The following SNX8 variants were observed in gnomAD, a reference collection of about 807,000 sequenced individuals.
SNX8 encodes sorting nexin 8.
Under a neutral mutation model 51.6 loss-of-function variants are expected in SNX8, and 25 were observed. The ratio of observed to expected loss-of-function variants is 0.48; its 90% CI spans 0.35 to 0.68. The LOEUF is 0.68. Among genes scored for constraint, SNX8 ranks in the 30% least tolerant of loss-of-function variants. SNX8 has a pLI of 0.00. For synonymous variants in SNX8, 324 were observed against 277.0 expected (o/e 1.17, Z -1.68); for missense variants, 695 against 624.0 (o/e 1.11, Z -1.21).
rs538461792 is a variant in SNX8 at position 2,254,618 on chromosome 7, C to T, written c.*438G>A. ...CACCACTGGCTGTCCCCTCGCTGTC[C>T]GTGGTCAGTCCCATGCCTGGGCTGC... On this transcript the variant is annotated 3_prime_UTR_variant, in exon 11 of 11. Coordinates refer to ENST00000222990, the MANE Select transcript of SNX8 (RefSeq NM_013321.4). 3.6e-4 allele frequency: 66 copies of T among 182,522 alleles called. 1 individual carries two copies. In the South Asian group the frequency reaches 6.8e-3, roughly 19 times the overall value. 11.3% of individuals were successfully genotyped at this position (182,522 alleles called of 1,614,324 possible).
intron 1 of SNX8, among the ~76,000 whole-genome samples, chr7:2,305,775 C>T (rs773196385): frequency 1.3e-4 from 20 of 152,032 alleles, no homozygotes; most frequent in Non-Finnish European, 2.9e-4. Context: ...AACCACCATC[C>T]AGGCCAAGAA....
chr7:2,304,505 C>T (rs1796502860), intron 1 of SNX8, among the ~76,000 whole-genome samples: 1 of 151,970 alleles, frequency 6.6e-6, no homozygotes, highest in East Asian at 1.9e-4. Context: ...GATTGCCCCA[C>T]TGTACTCCAG....
intron 1 of SNX8, among the ~76,000 whole-genome samples, chr7:2,340,632 G>A (rs1338356904): frequency 6.6e-6 from 1 of 150,942 alleles, no homozygotes; most frequent in Non-Finnish European, 1.5e-5. Context: ...TGAAGAGGGC[G>A]GGTCACTTGA....
chr7:2,347,009 A>C (rs1021952522), intron 1 of SNX8, among the ~76,000 whole-genome samples: 10 of 151,980 alleles, frequency 6.6e-5, no homozygotes, highest in Non-Finnish European at 1.3e-4. Context: ...ACATTTGAAG[A>C]AGCCAAGCAT....
chr7:2,259,497 G>A lies in SNX8; in HGVS notation c.916-1694C>T, dbSNP rs73043233. 4.2e-4 allele frequency among the ~76,000 whole-genome samples: 64 copies of A among 152,296 alleles called. No homozygotes were observed. The East Asian group carries it at 0.012, about 28-fold the overall frequency. On this transcript the variant is annotated intron_variant, in intron 7 of 10. Coordinates refer to ENST00000222990, the MANE Select transcript of SNX8 (RefSeq NM_013321.4). Reference sequence around the variant, plus strand: ...CAGAAGTGGATGGAACGAGTTTTACGGGACACAGCCCTGGAATGGGAGCCA... The same window carrying A: ...CAGAAGTGGATGGAACGAGTTTTACAGGACACAGCCCTGGAATGGGAGCCA...
intron 1 of SNX8, among the ~76,000 whole-genome samples, chr7:2,344,555 T>C (rs997464072): frequency 2.1e-5 from 3 of 142,208 alleles, no homozygotes; most frequent in African/African-American, 8.0e-5. Context: ...GAGGTAGCAG[T>C]GGGCCGAGAT....
At chr7:2,302,613 T>G (rs977494179) in intron 1 of SNX8, among the ~76,000 whole-genome samples, 3 of 149,432 alleles carry the variant, frequency 2.0e-5, no homozygotes, top group Admixed American at 6.7e-5. Flanking sequence ...GTCTGGAAAG[T>G]GAGGAGCGTC....
rs185311702 is a variant in SNX8 at position 2,257,833 on chromosome 7, G to A, written c.916-30C>T. The A allele has an allele frequency of 3.6e-5, 57 of 1,604,998 alleles. No homozygotes were observed. The African/African-American group carries it at 4.5e-4, about 13-fold the overall frequency. On this transcript the variant is annotated intron_variant, in intron 7 of 10. Coordinates refer to ENST00000222990, the MANE Select transcript of SNX8 (RefSeq NM_013321.4). ...AAGGCGAGGGGGAGCTCACCCACGC[G>A]GACGCACATAGGACCCGGTCCCTGC...
rs1778618606 is a variant in SNX8, at chr7:2,326,160, T to A, written c.-66+28062A>T. 2.7e-5 allele frequency among the ~76,000 whole-genome samples: 4 copies of A among 148,782 alleles called. No homozygotes were observed. In the South Asian group the frequency reaches 8.5e-4, roughly 32 times the overall value. On this transcript the variant is annotated intron_variant, in intron 1 of 5. Transcript: ENST00000435336. ...GCTGAGTTGGGAGGAATTCAGGAGT[T>A]CAAGACCAGCCTGGGCAAAATAGTG...
rs1360127108 is a variant in SNX8 at position 2,252,629 on chromosome 7, C to G, written c.*2427G>C. 6.7e-6 allele frequency: 1 copy of G among 149,372 alleles called. No individual in the cohort carries two copies. The highest frequency in any genetic ancestry group is 1.5e-5 in the Non-Finnish European group (1 of 67,604). The allele number at this position is 149,372 out of a possible 1,614,324, so 9.3% of individuals were successfully genotyped here. A position where few individuals can be genotyped will look rare whatever the true frequency, so the allele number is the denominator to read the frequency against. On this transcript the variant is annotated 3_prime_UTR_variant, in exon 11 of 11. Coordinates refer to ENST00000222990, the MANE Select transcript of SNX8 (RefSeq NM_013321.4). ...TCGTCACCGCTGCCCTCCAGCCCCC[C>G]CTTCACCCTGCCCTCCTGACCCTCC...
Position 2,314,431 on chromosome 7 carries a change from C to T in SNX8, c.-10G>A, listed in dbSNP as rs1413082478. On this transcript the variant is annotated 5_prime_UTR_variant, in exon 1 of 11. Transcript: ENST00000222990. ...TCGCGCGGCCAGTCATGTGAGCCCG[C>T]GCTCCCACGTGACTTCCTCCCGCGC... The T allele has an allele frequency of 1.6e-6, 2 of 1,212,464 alleles. No individual in the cohort carries two copies. The highest frequency in any genetic ancestry group is 4.4e-5 in the Admixed American group (1 of 22,926). The allele number at this position is 1,212,464 out of a possible 1,614,324, so 75.1% of individuals were successfully genotyped here.
intron 1 of SNX8, among the ~76,000 whole-genome samples, chr7:2,322,420 C>G (rs906282440): frequency 3.3e-5 from 5 of 151,732 alleles, no homozygotes; most frequent in African/African-American, 1.2e-4. Context: ...GCTGGCTGGG[C>G]GCCGTGGCTC....
chr7:2,295,733 G>C (rs1796259937), intron 1 of SNX8, among the ~76,000 whole-genome samples: 1 of 151,974 alleles, frequency 6.6e-6, no homozygotes, highest in Non-Finnish European at 1.5e-5. Context: ...TCAGGTCTTA[G>C]ATTTAAGTCT....
chr7:2,319,199 T>G (rs1368106165), upstream of SNX8, among the ~76,000 whole-genome samples: 2 of 149,634 alleles, frequency 1.3e-5, no homozygotes, highest in South Asian at 4.2e-4. Flanking sequence ...CTTAGCCGGG[T>G]GTTGTGGCAC....
At chr7:2,342,345 AGGG>A (rs1375459741) in intron 1 of SNX8, among the ~76,000 whole-genome samples, 1 of 151,286 alleles carries the variant, frequency 6.6e-6, no homozygotes, top group Non-Finnish European at 1.5e-5. Context: ...AATAATCTCA[AGGG>A]TTTTATTAAG....
intron 7 of SNX8, among the ~76,000 whole-genome samples, chr7:2,260,075 T>G (rs1297110875): frequency 6.6e-6 from 1 of 151,998 alleles, no homozygotes; most frequent in African/African-American, 2.4e-5. Context: ...GTAAATCTCA[T>G]AATGTTTTCA....
chr7:2,335,088 T>C (rs886754977), intron 1 of SNX8, among the ~76,000 whole-genome samples: 7 of 150,606 alleles, frequency 4.6e-5, no homozygotes, highest in Admixed American at 4.0e-4. Flanking sequence ...CCCAGCTACT[T>C]GGGAGGCTGA....
At chr7:2,303,348 G>C (rs951671543) in intron 1 of SNX8, among the ~76,000 whole-genome samples, 2 of 150,436 alleles carry the variant, frequency 1.3e-5, no homozygotes, top group African/African-American at 4.9e-5. Flanking sequence ...TCAGCCCCCC[G>C]CCCAGCCAGC....
intron 1 of SNX8, chr7:2,309,946 C>T (rs1796628327): frequency 2.2e-6 from 1 of 453,070 alleles, no homozygotes. Flanking sequence ...CTCAATGACA[C>T]TCAAGGAGTC....
Sources: gnomAD v4.1 joint callset for allele counts (sites outside exome capture counted in the v4.1 genomes callset) on GRCh38, gnomAD v4.1.1 for gene constraint, MANE v1.5 for transcripts, NCBI Gene and HGNC (gene_info 2026-07-23, HGNC 2026-07-21) for gene names.